MSRA: variants seen among roughly 807,000 people sequenced by gnomAD.
MSRA encodes the protein mitochondrial peptide methionine sulfoxide reductase.
A neutral mutation model predicts 31.3 loss-of-function variants in MSRA; 54 were observed. That is an observed-to-expected ratio of 1.73 (90% CI 1.39 to 2.17). The LOEUF is 2.17. Ranked by LOEUF, MSRA falls within the 30% of genes most tolerant of loss-of-function variation. The probability of loss-of-function intolerance (pLI) is 0.00; values close to 1 mark genes in which losing one functional copy is unlikely to be tolerated. For synonymous variants in MSRA, 169 were observed against 116.5 expected (o/e 1.45, Z -2.90); for missense variants, 507 against 300.9 (o/e 1.69, Z -5.07).
intron 5 of MSRA, among the ~76,000 whole-genome samples, chr8:10,322,670 A>T (rs1585467366): frequency 6.6e-6 from 1 of 152,156 alleles, no homozygotes. Flanking sequence ...TGCTTGTGAA[A>T]CACAGGGCCT....
At chr8:10,272,638 T>A (rs184721535) in intron 3 of MSRA, among the ~76,000 whole-genome samples, 2 of 152,216 alleles carry the variant, frequency 1.3e-5, no homozygotes, top group African/African-American at 4.8e-5. Flanking sequence ...CACAGTCAAG[T>A]TGACACATAA....
chr8:10,169,271 C>G (rs1211839481), intron 1 of MSRA, among the ~76,000 whole-genome samples: 1 of 152,186 alleles, frequency 6.6e-6, no homozygotes, highest in Non-Finnish European at 1.5e-5. Context: ...AACATTGTTA[C>G]CAACCTGCAT....
chr8:10,261,539 C>T (rs963439007), intron 3 of MSRA, among the ~76,000 whole-genome samples: 1 of 151,508 alleles, frequency 6.6e-6, no homozygotes, highest in Non-Finnish European at 1.5e-5. Flanking sequence ...TCTACAAAAC[C>T]TTTTTTTTAA....
chr8:10,174,301 A>G (rs991273523), intron 1 of MSRA, among the ~76,000 whole-genome samples: 4 of 152,180 alleles, frequency 2.6e-5, no homozygotes, highest in African/African-American at 9.6e-5. Flanking sequence ...GCTGACAGCT[A>G]GAAAAGAGAA....
chr8:10,386,720 C>T (rs920485631), intron 5 of MSRA, among the ~76,000 whole-genome samples: 2 of 152,086 alleles, frequency 1.3e-5, no homozygotes, highest in Non-Finnish European at 2.9e-5. Context: ...TTGAAAACCA[C>T]TGGTCTAATT....
intron 1 of MSRA, among the ~76,000 whole-genome samples, chr8:10,123,392 TG>T (rs1801267272): frequency 6.6e-6 from 1 of 152,204 alleles, no homozygotes; most frequent in Non-Finnish European, 1.5e-5. Flanking sequence ...CTTATAAATT[TG>T]TTTGAGTTTC....
At chr8:10,135,090 T>C (rs937580943) in intron 1 of MSRA, among the ~76,000 whole-genome samples, 3 of 152,236 alleles carry the variant, frequency 2.0e-5, no homozygotes, top group Non-Finnish European at 4.4e-5. Flanking sequence ...CAAAGATCAA[T>C]GAGAGAGGCA....
chr8:10,345,542 A>G (rs764240149), intron 5 of MSRA, among the ~76,000 whole-genome samples: 3 of 152,214 alleles, frequency 2.0e-5, no homozygotes, highest in Non-Finnish European at 4.4e-5. Flanking sequence ...TGTAAAAATC[A>G]AATATGATTG....
intron 3 of MSRA, among the ~76,000 whole-genome samples, chr8:10,268,785 A>G (rs1287661100): frequency 6.6e-6 from 1 of 152,222 alleles, no homozygotes; most frequent in Non-Finnish European, 1.5e-5. Flanking sequence ...AACACATTAC[A>G]CCATTAAATG....
At chr8:10,272,927 G>A (rs992361098) in intron 3 of MSRA, among the ~76,000 whole-genome samples, 1 of 152,140 alleles carries the variant, frequency 6.6e-6, no homozygotes, top group Admixed American at 6.5e-5. Flanking sequence ...AACTGCACAA[G>A]TTAGAAGGTA....
At chr8:10,249,111 AC>A (rs965051658) in intron 3 of MSRA, among the ~76,000 whole-genome samples, 12 of 152,020 alleles carry the variant, frequency 7.9e-5, no homozygotes, top group Admixed American at 2.6e-4. Context: ...AGAGCCTGAT[AC>A]CCTGGCACTT....
intron 5 of MSRA, among the ~76,000 whole-genome samples, chr8:10,347,542 A>C (rs953710474): frequency 7.2e-5 from 11 of 151,990 alleles, no homozygotes; most frequent in African/African-American, 2.7e-4. Context: ...TTCCCACCTC[A>C]GCCTTTGTTC....
At chr8:10,396,706 T>G (rs796803750) in intron 5 of MSRA, among the ~76,000 whole-genome samples, 7 of 152,242 alleles carry the variant, frequency 4.6e-5, no homozygotes, top group African/African-American at 1.7e-4. Context: ...TAGAAATGTT[T>G]CCACTTCCTT....
chr8:10,176,582 G>C (rs1360310170), intron 1 of MSRA, among the ~76,000 whole-genome samples: 1 of 152,248 alleles, frequency 6.6e-6, no homozygotes, highest in African/African-American at 2.4e-5. Flanking sequence ...TGTTTCAGCA[G>C]CAGAAGACTT....
At chr8:10,214,738 C>T (rs1294294121) in intron 2 of MSRA, among the ~76,000 whole-genome samples, 1 of 152,148 alleles carries the variant, frequency 6.6e-6, no homozygotes, top group Non-Finnish European at 1.5e-5. Context: ...TGGTAGAACA[C>T]TTGGAGAGAT....
intron 4 of MSRA, among the ~76,000 whole-genome samples, chr8:10,305,517 G>A (rs1801087045): frequency 6.7e-6 from 1 of 149,452 alleles, no homozygotes; most frequent in Non-Finnish European, 1.5e-5. Flanking sequence ...AGGTTCAAGT[G>A]ATTCTCCTGC....
intron 1 of MSRA, among the ~76,000 whole-genome samples, chr8:10,162,237 C>G (rs1355569453): frequency 1.3e-5 from 2 of 152,142 alleles, no homozygotes; most frequent in South Asian, 2.1e-4. Context: ...AGGGTACTTG[C>G]AGAATCAAGG....
intron 1 of MSRA, among the ~76,000 whole-genome samples, chr8:10,070,317 T>A (rs1483719029): frequency 1.3e-5 from 2 of 152,350 alleles, no homozygotes; most frequent in Non-Finnish European, 2.9e-5. Flanking sequence ...AGTCACCTAG[T>A]CACATTTGAT....
chr8:10,224,018 A>G (rs144068405), intron 2 of MSRA, among the ~76,000 whole-genome samples: 70 of 152,292 alleles, frequency 4.6e-4, no homozygotes, highest in African/African-American at 1.6e-3. Flanking sequence ...GCAAATCACT[A>G]TAGTCTGCAT....
Sources: gnomAD v4.1 joint callset for allele counts (sites outside exome capture counted in the v4.1 genomes callset) on GRCh38, gnomAD v4.1.1 for gene constraint, MANE v1.5 for transcripts, NCBI Gene and HGNC (gene_info 2026-07-23, HGNC 2026-07-21) for gene names.